Variants in KIF3A observed in about 807,000 individuals in gnomAD.
The protein encoded by KIF3A is kinesin family member 3A, also known as kinesin-like protein KIF3A.
A neutral mutation model predicts 92.6 loss-of-function variants in KIF3A; 27 were observed. The observed-to-expected ratio is 0.29, with a 90% CI of 0.21 to 0.40. KIF3A has a LOEUF of 0.40. Among genes scored for constraint, KIF3A ranks in the 10% least tolerant of loss-of-function variants. The pLI is 1.00. For missense variants in KIF3A, 581 were observed against 872.6 expected, an observed-to-expected ratio of 0.67 and a Z score of 4.21; for synonymous variants, 250 against 275.4, an observed-to-expected ratio of 0.91 and a Z score of 0.92.
At position 132,716,507 on chromosome 5, in the gene KIF3A, G is replaced by A. The variant is rs527377551; in HGVS notation, c.757-65C>T. 2.3e-4 allele frequency: 309 copies of A among 1,333,654 alleles called. 1 individual carries two copies. The East Asian group carries it at 7.1e-3, about 31-fold the overall frequency. 82.6% of individuals were successfully genotyped at this position (1,333,654 alleles called of 1,614,324 possible). On this transcript the variant is annotated intron_variant, in intron 6 of 18. Transcript: ENST00000403231. ...TTAAAAATAGAATATTCTTCCCAAG[G>A]TTTTATTAAAAAGTAATGTAACAGT...
At chr5:132,705,606 C>T (rs1753184289) in intron 11 of KIF3A, among the ~76,000 whole-genome samples, 1 of 151,902 alleles carries the variant, frequency 6.6e-6, no homozygotes, top group African/African-American at 2.4e-5. Context: ...GGTATGTTTC[C>T]AAACTGATAC....
chr5:132,713,998 G>T (rs558637552), intron 8 of KIF3A, among the ~76,000 whole-genome samples: 2 of 141,098 alleles, frequency 1.4e-5, no homozygotes, highest in African/African-American at 5.2e-5. Flanking sequence ...CCAGGTTCAA[G>T]TGATCCTCCT....
chr5:132,735,509 C>T (rs186691733), intron 1 of KIF3A, among the ~76,000 whole-genome samples: 6 of 152,258 alleles, frequency 3.9e-5, no homozygotes, highest in Admixed American at 3.9e-4. Flanking sequence ...TGAAGAGAAA[C>T]AAATATGAGT....
chr5:132,688,996 T>A (rs1469963233), downstream of KIF3A, among the ~76,000 whole-genome samples: 1 of 152,212 alleles, frequency 6.6e-6, no homozygotes, highest in Non-Finnish European at 1.5e-5. Context: ...CATAAACGTG[T>A]TTGGGTGAGA....
chr5:132,700,527 AC>A (rs1043937618), intron 16 of KIF3A, 119 bp downstream of exon 16: 1 of 715,378 alleles, frequency 1.4e-6, no homozygotes, highest in Non-Finnish European at 2.5e-6. Flanking sequence ...TATCTGCCCT[AC>A]TGGATTCTCA....
At position 132,692,963 on chromosome 5, in the gene KIF3A, A is replaced by C. The variant is rs1752706814; in HGVS notation, c.*3671T>G. The C allele has an allele frequency of 6.6e-6, 1 of 152,660 alleles. No individual in the cohort carries two copies. Among genetic ancestry groups the C allele is most frequent in the Non-Finnish European group, 1.5e-5 (1 of 68,044 alleles). The allele number at this position is 152,660 out of a possible 1,614,324, so 9.5% of individuals were successfully genotyped here. On this transcript the variant is annotated 3_prime_UTR_variant, in exon 19 of 19. Transcript: ENST00000403231. Reference sequence around the variant, plus strand: ...ATTGGGCAGACATTGGTGTACTTAAATGTAAACGCTACCCATTCCTTAATT... The same window carrying C: ...ATTGGGCAGACATTGGTGTACTTAACTGTAAACGCTACCCATTCCTTAATT...
In KIF3A at chr5:132,726,480, C is replaced by T. The variant is rs759105640; in HGVS notation, c.299G>A (p.Gly100Glu). The T allele has an allele frequency of 6.2e-7, 1 of 1,613,346 alleles. No homozygotes were observed. The highest frequency in any genetic ancestry group is 8.5e-7 in the Non-Finnish European group (1 of 1,179,512). ...AAAAGTTTTGCCTGTTCCGGTTTGT[C>T]CATATGCAAAAATAGTCCCTGAAAA... ...EGYNGTIFAY[G>E]QTGTGKTFTM... The change falls in exon 3 of 19, where the codon GGA (glycine) becomes GAA (glutamate). Residue 100 changes from glycine to glutamate, a missense_variant. Coordinates refer to ENST00000403231, the MANE Select transcript of KIF3A (RefSeq NM_001300791.2).
intron 2 of KIF3A, among the ~76,000 whole-genome samples, chr5:132,731,369 T>C (rs756771580): frequency 4.6e-5 from 7 of 152,210 alleles, no homozygotes; most frequent in East Asian, 1.9e-4. Flanking sequence ...ATCAATGTAA[T>C]TGACCATATT....
intron 1 of KIF3A, chr5:132,736,968 C>G (rs1352548571): frequency 6.4e-6 from 2 of 311,380 alleles, no homozygotes; most frequent in Non-Finnish European, 1.2e-5. Flanking sequence ...CTAGGAGACT[C>G]GGAGTATGGG....
chr5:132,736,871 C>T (rs1337984824), intron 1 of KIF3A: 1 of 391,874 alleles, frequency 2.6e-6, no homozygotes, highest in Non-Finnish European at 5.2e-6. Flanking sequence ...GGAAGATAAA[C>T]ATAACACCGC....
chr5:132,717,699 T>G (rs758253388), intron 5 of KIF3A, among the ~76,000 whole-genome samples: 1 of 152,118 alleles, frequency 6.6e-6, no homozygotes, highest in Non-Finnish European at 1.5e-5. Context: ...TATGAATATA[T>G]TGTGTAAACA....
At chr5:132,700,189 G>GT in intron 17 of KIF3A, 27 bp downstream of exon 17, 4 of 1,315,606 alleles carry the variant, frequency 3.0e-6, no homozygotes, top group Admixed American at 4.0e-5. Flanking sequence ...TTTGTGTTTT[G>GT]TTTTGTTTTT....
chr5:132,699,386 G>T, intron 17 of KIF3A, 91 bp from the exon 18 acceptor site: 1 of 1,307,944 alleles, frequency 7.6e-7, no homozygotes, highest in Non-Finnish European at 1.1e-6. Flanking sequence ...TAAACTCCTT[G>T]ATCAAACCCA....
rs1753058341 is a variant in KIF3A at position 132,702,122 on chromosome 5, G to A, written c.1849C>T (p.Leu617Phe). 1.2e-6 allele frequency: 2 copies of A among 1,613,594 alleles called. No individual in the cohort carries two copies. Among genetic ancestry groups the A allele is most frequent in the East Asian group, 4.5e-5 (2 of 44,862 alleles). The part of the protein sequence containing the change: ...QLSRELRLQM[L>F]IIDNFIPRDY... ...CGAGGTATAAAGTTATCAATAATAA[G>A]CATCTGAAGTCGAAGCTCCCGGCTA... The change falls in exon 15 of 19, where the codon CTT becomes TTT. Residue 617 changes from leucine to phenylalanine, a missense_variant. Coordinates refer to ENST00000403231, the MANE Select transcript of KIF3A (RefSeq NM_001300791.2).
At chr5:132,728,510 G>A (rs901000243) in intron 2 of KIF3A, among the ~76,000 whole-genome samples, 16 of 152,236 alleles carry the variant, frequency 1.1e-4, no homozygotes, top group African/African-American at 2.9e-4. Context: ...GCCAAGGAGG[G>A]CAGATCACTT....
chr5:132,705,599 A>G (rs1753183952), intron 11 of KIF3A, among the ~76,000 whole-genome samples: 1 of 152,086 alleles, frequency 6.6e-6, no homozygotes, highest in Non-Finnish European at 1.5e-5. Flanking sequence ...CCATTCAGGT[A>G]TGTTTCCAAA....
At chr5:132,712,181 T>C (rs2149902807) in intron 8 of KIF3A, among the ~76,000 whole-genome samples, 1 of 152,300 alleles carries the variant, frequency 6.6e-6, no homozygotes, top group African/African-American at 2.4e-5. Context: ...TGCCCAAAAC[T>C]GGGTTTCTAA....
At chr5:132,707,847 T>C (rs115727240) in intron 10 of KIF3A, among the ~76,000 whole-genome samples, 2,902 of 152,254 alleles carry the variant, frequency 0.019, 78 homozygotes, top group African/African-American at 0.061. Flanking sequence ...CTTCTGAAAA[T>C]AAAATATAAA....
downstream of KIF3A, among the ~76,000 whole-genome samples, chr5:132,690,409 A>G (rs998332657): frequency 1.3e-5 from 2 of 152,044 alleles, no homozygotes; most frequent in Non-Finnish European, 2.9e-5. Flanking sequence ...AAGTCATTTG[A>G]GACACAAAAT....
Sources: allele counts gnomAD v4.1 joint callset (sites outside exome capture counted in the v4.1 genomes callset), GRCh38; gene constraint gnomAD v4.1.1; transcripts MANE v1.5; gene names NCBI Gene and HGNC (gene_info 2026-07-23, HGNC 2026-07-21).